The following ZC3H3 variants were observed in gnomAD, a reference collection of about 807,000 sequenced individuals.
The protein encoded by ZC3H3 is zinc finger CCCH-type containing 3.
ZC3H3 carries 36 observed loss-of-function variants against 77.3 expected under a neutral mutation model. The observed-to-expected ratio is 0.47, with a 90% CI of 0.36 to 0.61. The LOEUF (loss-of-function observed/expected upper bound fraction) is 0.61. Ranked by LOEUF, ZC3H3 falls within the 20% of genes least tolerant of loss-of-function variation. The pLI is 0.00. For synonymous variants in ZC3H3, 626 were observed against 555.2 expected, an observed-to-expected ratio of 1.13 and a Z score of -1.79; for missense variants, 1,331 against 1,312.2, an observed-to-expected ratio of 1.01 and a Z score of -0.22.
At chr8:143,525,886 C>T (rs1184706566) in intron 3 of ZC3H3, among the ~76,000 whole-genome samples, 3 of 152,252 alleles carry the variant, frequency 2.0e-5, no homozygotes, top group Non-Finnish European at 4.4e-5. Flanking sequence ...GGAGGCCTCC[C>T]CACCCAGCTG....
At chr8:143,513,334 G>A (rs915372217) in intron 3 of ZC3H3, among the ~76,000 whole-genome samples, 5 of 152,152 alleles carry the variant, frequency 3.3e-5, no homozygotes, top group Admixed American at 6.5e-5. Context: ...GAGCCCCAGG[G>A]AACGAGGCAG....
chr8:143,491,422 T>G (rs1006196280), intron 4 of ZC3H3, among the ~76,000 whole-genome samples: 4 of 152,230 alleles, frequency 2.6e-5, no homozygotes, highest in Non-Finnish European at 4.4e-5. Context: ...CCCAAGGGCT[T>G]GCCCATAACA....
Position 143,507,919 on chromosome 8 carries a change from C to A in ZC3H3, c.1562-20G>T. 3.8e-6 allele frequency: 6 copies of A among 1,566,454 alleles called. No homozygotes were observed. The South Asian group carries it at 6.9e-5, about 18-fold the overall frequency. ...TGGACGCTGTAGAGAAAACCCAGGG[C>A]ACAGACATGGGTCAGGGAAGGCCGG... On this transcript the variant is annotated intron_variant, in intron 3 of 11. Transcript: ENST00000262577.
In ZC3H3 at chr8:143,440,996, G is replaced by T; in HGVS notation, c.2432C>A (p.Pro811His). Residue 811 changes from proline to histidine, a missense_variant, in exon 10 of 12, where the codon CCC (proline) becomes CAC (histidine). This residue lies in a region of ZC3H3 where 249 missense variants were observed against 236.9 expected (regional missense o/e 1.05). Transcript: ENST00000262577. ...GGTTGCGTCGCTGGGCCCTGGGGCG[G>T]GGGACGTGGCTGCCCGCCGACTGTG... ...KRHSRRAATS[P>H]APGPSDATAR... 1 of 1,472,074 alleles carries T rather than the reference G, an allele frequency of 6.8e-7. No individual in the cohort carries two copies. Among genetic ancestry groups the T allele is most frequent in the South Asian group, 1.4e-5 (1 of 70,410 alleles). 91.2% of individuals were successfully genotyped at this position (1,472,074 alleles called of 1,614,324 possible).
intron 3 of ZC3H3, among the ~76,000 whole-genome samples, chr8:143,516,131 G>A (rs996241724): frequency 3.3e-5 from 5 of 152,254 alleles, no homozygotes; most frequent in Non-Finnish European, 7.3e-5. Context: ...GGGGCGGCTG[G>A]TGAGTGCCCC....
chr8:143,453,346 C>T (rs1425938562), intron 9 of ZC3H3, among the ~76,000 whole-genome samples: 2 of 152,082 alleles, frequency 1.3e-5, no homozygotes. Flanking sequence ...ACCTGGTTCT[C>T]CCAAAATGTT....
At chr8:143,499,577 C>G (rs906935847) in intron 4 of ZC3H3, among the ~76,000 whole-genome samples, 2 of 152,176 alleles carry the variant, frequency 1.3e-5, no homozygotes, top group African/African-American at 4.8e-5. Flanking sequence ...AAACCAGAAG[C>G]GACAATGCTA....
intron 11 of ZC3H3, 69 bp from the exon 12 acceptor site, chr8:143,438,156 C>T: frequency 6.4e-7 from 1 of 1,561,002 alleles, no homozygotes; most frequent in Non-Finnish European, 8.7e-7. Context: ...TGCAAAGCTC[C>T]TGATCGGGCT....
In ZC3H3 at chr8:143,537,756, G is replaced by C. The variant is rs896965; in HGVS notation, c.1364+247C>G. ...CCCAGCGAGCTGCTTGTCTCTCACC[G>C]GCAGGAGAAAGGATGGGCTTGCCAG... On this transcript the variant is annotated intron_variant, in intron 2 of 11. Coordinates refer to ENST00000262577, the MANE Select transcript of ZC3H3 (RefSeq NM_015117.3). Among the ~76,000 whole-genome samples, 12 of 152,214 alleles carry C rather than the reference G, an allele frequency of 7.9e-5. No individual in the cohort carries two copies. In the East Asian group the frequency reaches 2.3e-3, roughly 29 times the overall value.
In ZC3H3 at chr8:143,462,420, G is replaced by A. The variant is rs1183168050; in HGVS notation, c.2307+3297C>T. ...GTCAGGACCTTGCCTCATAAAGGAC[G>A]AAGGATTCGGCCTAACAAAGGGCAG... On this transcript the variant is annotated intron_variant, in intron 9 of 11. Transcript: ENST00000262577. The surrounding 1 kb of genome is among the most constrained non-coding windows in gnomAD (Gnocchi z 4.7). Among the ~76,000 whole-genome samples the A allele has an allele frequency of 6.6e-6, 1 of 152,192 alleles. No homozygotes were observed. Among genetic ancestry groups the A allele is most frequent in the Non-Finnish European group, 1.5e-5 (1 of 68,026 alleles).
chr8:143,536,601 A>C, intron 2 of ZC3H3, 148 bp from the exon 3 acceptor site: 1 of 829,350 alleles, frequency 1.2e-6, no homozygotes, highest in South Asian at 2.0e-5. Context: ...TGCCTCCCTC[A>C]GCCCATGGCG....
At chr8:143,495,069 G>A (rs1242662663) in intron 4 of ZC3H3, among the ~76,000 whole-genome samples, 2 of 152,186 alleles carry the variant, frequency 1.3e-5, no homozygotes, top group Non-Finnish European at 2.9e-5. Context: ...GATGTCTTAC[G>A]TCCCAGCGAT....
intron 9 of ZC3H3, among the ~76,000 whole-genome samples, chr8:143,464,430 T>C (rs1184477478): frequency 6.6e-6 from 1 of 152,122 alleles, no homozygotes; most frequent in Non-Finnish European, 1.5e-5. Context: ...GGCCAACCCT[T>C]GGCCCGGCAG....
chr8:143,459,972 C>T (rs538572945), intron 9 of ZC3H3, among the ~76,000 whole-genome samples: 3 of 152,088 alleles, frequency 2.0e-5, no homozygotes, highest in South Asian at 2.1e-4. Flanking sequence ...AGAGGCCGGG[C>T]GTGGTGGCTC....
intron 4 of ZC3H3, among the ~76,000 whole-genome samples, chr8:143,500,136 C>T (rs952815985): frequency 6.6e-6 from 1 of 152,258 alleles, no homozygotes; most frequent in Admixed American, 6.5e-5. Flanking sequence ...CTGAGCCCCA[C>T]ACAGATCCAT....
intron 3 of ZC3H3, among the ~76,000 whole-genome samples, chr8:143,526,608 G>A (rs899253048): frequency 6.6e-6 from 1 of 152,192 alleles, no homozygotes; most frequent in Non-Finnish European, 1.5e-5. Flanking sequence ...CACAGCAGGG[G>A]CCCTCAGGCA....
At chr8:143,526,677 G>A (rs1822422992) in intron 3 of ZC3H3, among the ~76,000 whole-genome samples, 1 of 152,148 alleles carries the variant, frequency 6.6e-6, no homozygotes, top group Admixed American at 6.5e-5. Context: ...CAGCAGATGG[G>A]GCACAGAAGG....
chr8:143,453,108 G>A (rs1820028310), intron 9 of ZC3H3, among the ~76,000 whole-genome samples: 1 of 152,058 alleles, frequency 6.6e-6, no homozygotes. Flanking sequence ...TTGTTTTTTT[G>A]AGACAGGGTC....
chr8:143,469,300 T>C lies in ZC3H3; in HGVS notation c.1904-641A>G, dbSNP rs1042231215. ...ATGGGGCACACATGGTCTGGCCTTT[T>C]GGGAGCAAGAATGGCTTCTGACTTT... On this transcript the variant is annotated intron_variant, in intron 5 of 11. Transcript: ENST00000262577. 7.2e-5 allele frequency among the ~76,000 whole-genome samples: 11 copies of C among 152,318 alleles called. No individual in the cohort carries two copies. The East Asian group carries it at 1.9e-3, about 27-fold the overall frequency.
Sources: allele counts gnomAD v4.1 joint callset (sites outside exome capture counted in the v4.1 genomes callset), GRCh38; gene constraint gnomAD v4.1.1; regional missense constraint gnomAD v4.1.1; non-coding constraint Gnocchi (gnomAD v3.1); transcripts MANE v1.5; gene names NCBI Gene and HGNC (gene_info 2026-07-23, HGNC 2026-07-21).